The following TRMT2B variants were observed in gnomAD, a reference collection of about 807,000 sequenced individuals.
The protein encoded by TRMT2B is tRNA methyltransferase 2B, also known as tRNA (uracil-5-)-methyltransferase homolog B.
A neutral mutation model predicts 39.7 loss-of-function variants in TRMT2B; 34 were observed. The ratio of observed to expected loss-of-function variants is 0.86; its 90% CI spans 0.65 to 1.14. The LOEUF (loss-of-function observed/expected upper bound fraction) is 1.14. TRMT2B is among the 50% of genes most tolerant of loss of function. The pLI is 0.00. For missense variants in TRMT2B, 318 were observed against 377.2 expected (o/e 0.84, Z 1.30); for synonymous variants, 132 against 137.3 (o/e 0.96, Z 0.27).
the TRMT2B span, among the ~76,000 whole-genome samples, chrX:100,975,707 A>G: frequency 9.5e-6 from 1 of 105,352 alleles, no homozygotes; most frequent in Non-Finnish European, 1.9e-5. Flanking sequence ...ATCTCAGCTC[A>G]CTGCAACCTC....
At chrX:101,024,099 C>T (rs1022812684) in intron 7 of TRMT2B, among the ~76,000 whole-genome samples, 1 of 111,197 alleles carries the variant, frequency 9.0e-6, no homozygotes, top group Non-Finnish European at 1.9e-5. Flanking sequence ...CCTCCTGCCT[C>T]GGCCTCCTAA....
At chrX:100,990,631 C>A in the TRMT2B span, 2 of 1,103,547 alleles carry the variant, frequency 1.8e-6, no homozygotes, top group Non-Finnish European at 2.4e-6. Flanking sequence ...AGAATGAAGA[C>A]CACCTTGGTA....
At chrX:101,037,564 G>A (rs2087910437) in intron 5 of TRMT2B, 1 of 165,753 alleles carries the variant, frequency 6.0e-6, no homozygotes. Flanking sequence ...AAATTGTGTG[G>A]GGATGGCAGG....
the TRMT2B span, among the ~76,000 whole-genome samples, chrX:101,001,896 T>C: frequency 7.6e-3 from 829 of 108,503 alleles, 17 homozygotes; most frequent in African/African-American, 0.027. Context: ...TCAACTCCAA[T>C]TTGGACAGAA....
At chrX:101,020,671 A>T in intron 10 of TRMT2B, 83 bp from the exon 11 acceptor site, 1 of 788,417 alleles carries the variant, frequency 1.3e-6, no homozygotes, top group Non-Finnish European at 1.9e-6. Flanking sequence ...AGTTTAGTTT[A>T]GTTTGTTTGT....
At chrX:100,983,345 A>C in the TRMT2B span, among the ~76,000 whole-genome samples, 1 of 110,952 alleles carries the variant, frequency 9.0e-6, no homozygotes, top group Non-Finnish European at 1.9e-5. Context: ...TATTACCTTT[A>C]GAGTTTTAAC....
At chrX:100,994,233 C>T in the TRMT2B span, among the ~76,000 whole-genome samples, 1 of 111,867 alleles carries the variant, frequency 8.9e-6, no homozygotes, top group Admixed American at 9.5e-5. Context: ...TGGGGCAGCC[C>T]AGGGACCAAG....
chrX:101,027,948 G>C (rs913653656), intron 7 of TRMT2B, among the ~76,000 whole-genome samples: 37 of 108,686 alleles, frequency 3.4e-4, no homozygotes, highest in African/African-American at 1.2e-3. Context: ...TTTATATTAA[G>C]GTATAACTGA....
chrX:101,003,619 G>C, the TRMT2B span, among the ~76,000 whole-genome samples: 2 of 111,429 alleles, frequency 1.8e-5, no homozygotes, highest in African/African-American at 3.3e-5. Flanking sequence ...CAGAGTGCTG[G>C]GATTACAGGC....
At chrX:101,043,280 A>C (rs2088363433) in intron 2 of TRMT2B, among the ~76,000 whole-genome samples, 1 of 107,966 alleles carries the variant, frequency 9.3e-6, no homozygotes, top group African/African-American at 3.4e-5. Context: ...AAAAAAAAAT[A>C]AATAAATAAG....
intron 2 of TRMT2B, among the ~76,000 whole-genome samples, chrX:101,044,648 G>T (rs763694720): frequency 2.6e-4 from 29 of 110,811 alleles, no homozygotes; most frequent in Non-Finnish European, 5.3e-4. Flanking sequence ...ACGAGGTCAG[G>T]AGTTCGAGAC....
chrX:101,020,508 T>C lies in TRMT2B; in HGVS notation c.1147A>G (p.Arg383Gly), dbSNP rs1253784108. 1 of 1,207,984 alleles carries C rather than the reference T, an allele frequency of 8.3e-7. No homozygotes were observed. Among genetic ancestry groups the C allele is most frequent in the Admixed American group, 2.2e-5 (1 of 45,939 alleles). Reference sequence around the variant, plus strand: ...GTACCATTGAAGGCTGCAGTCCATCTTGCATCCTCCACTGCCTGCTCCAAC... The same window carrying C: ...GTACCATTGAAGGCTGCAGTCCATCCTGCATCCTCCACTGCCTGCTCCAAC... ...ELLEQAVEDA[R>G]WTAAFNGITN... The change falls in exon 11 of 14, where the codon AGA becomes GGA. Residue 383 changes from arginine to glycine, a missense_variant. Transcript: ENST00000372936.
the TRMT2B span, chrX:100,990,710 G>A: frequency 1.4e-6 from 1 of 738,537 alleles, no homozygotes; most frequent in South Asian, 2.7e-5. Context: ...AATAAGTCAT[G>A]GGTGATCAAC....
At chrX:101,047,230 T>C (rs1253486684) in intron 2 of TRMT2B, among the ~76,000 whole-genome samples, 1 of 109,259 alleles carries the variant, frequency 9.2e-6, no homozygotes, top group East Asian at 2.8e-4. Flanking sequence ...AAAAAGTACT[T>C]AGCAGAAGAT....
the TRMT2B span, among the ~76,000 whole-genome samples, chrX:100,989,183 T>C: frequency 9.0e-6 from 1 of 111,207 alleles, no homozygotes; most frequent in African/African-American, 3.3e-5. Context: ...AATAGCAAGT[T>C]AGAATACAGC....
chrX:100,978,901 A>G, the TRMT2B span, among the ~76,000 whole-genome samples: 53 of 110,535 alleles, frequency 4.8e-4, 1 homozygote, highest in East Asian at 0.011. Context: ...ATAACATCTT[A>G]TAACCCATTT....
At chrX:100,983,204 C>T in the TRMT2B span, among the ~76,000 whole-genome samples, 2 of 110,121 alleles carry the variant, frequency 1.8e-5, no homozygotes, top group Non-Finnish European at 3.8e-5. Context: ...GGTTCACCAA[C>T]AATAGAATGC....
At chrX:101,029,317 T>C (rs2087308378) in intron 7 of TRMT2B, among the ~76,000 whole-genome samples, 2 of 111,674 alleles carry the variant, frequency 1.8e-5, no homozygotes, top group South Asian at 7.5e-4. Flanking sequence ...GAAAATGCTT[T>C]ATTGTAGGGG....
intron 2 of TRMT2B, among the ~76,000 whole-genome samples, chrX:101,043,122 T>TG (rs1384805372): frequency 9.2e-6 from 1 of 108,160 alleles, no homozygotes; most frequent in African/African-American, 3.4e-5. Flanking sequence ...CAAAATTAGC[T>TG]GGGTGTGGTG....
Sources: allele counts gnomAD v4.1 joint callset (sites outside exome capture counted in the v4.1 genomes callset), GRCh38; gene constraint gnomAD v4.1.1; transcripts MANE v1.5; gene names NCBI Gene and HGNC (gene_info 2026-07-23, HGNC 2026-07-21).